Variants in LRRC4C observed in about 807,000 individuals in gnomAD.
The protein encoded by LRRC4C is leucine rich repeat containing 4C.
In LRRC4C, 5 loss-of-function variants were observed where a neutral mutation model predicts 33.6. The ratio of observed to expected loss-of-function variants is 0.15; its 90% CI spans 0.08 to 0.31. The LOEUF is 0.31. Ranked by LOEUF, LRRC4C falls within the 10% of genes least tolerant of loss-of-function variation. The pLI, the probability that LRRC4C is intolerant of heterozygous loss-of-function variation, is 1.00. For synonymous variants in LRRC4C, 329 were observed against 302.0 expected, an observed-to-expected ratio of 1.09 and a Z score of -0.93; for missense variants, 560 against 796.7, an observed-to-expected ratio of 0.70 and a Z score of 3.58.
chr11:41,086,715 G>C (rs752605096), intron 1 of LRRC4C, among the ~76,000 whole-genome samples: 1 of 152,080 alleles, frequency 6.6e-6, no homozygotes, highest in Admixed American at 6.6e-5. Flanking sequence ...GCAGTTCAAA[G>C]CAGCTAAAAA....
intron 2 of LRRC4C, among the ~76,000 whole-genome samples, chr11:40,862,641 T>C (rs1205117400): frequency 6.6e-6 from 1 of 152,216 alleles, no homozygotes; most frequent in African/African-American, 2.4e-5. Flanking sequence ...TGTTTTCTTC[T>C]GAGAGATAGT....
At chr11:41,448,100 A>T (rs1431964767) in intron 1 of LRRC4C, among the ~76,000 whole-genome samples, 1 of 86,794 alleles carries the variant, frequency 1.2e-5, no homozygotes, top group African/African-American at 3.8e-5. Context: ...CAGACACACA[A>T]ACGAGGCTGC....
At chr11:40,501,293 C>A (rs895865428) in intron 3 of LRRC4C, among the ~76,000 whole-genome samples, 9 of 152,164 alleles carry the variant, frequency 5.9e-5, no homozygotes, top group African/African-American at 2.2e-4. Flanking sequence ...AGCTACCATT[C>A]TGGGGCCTGG....
chr11:40,827,318 G>A (rs1281507555), intron 2 of LRRC4C, among the ~76,000 whole-genome samples: 1 of 151,756 alleles, frequency 6.6e-6, no homozygotes, highest in South Asian at 2.1e-4. Context: ...AAAGACTGTC[G>A]CTGCCAAAGG....
chr11:40,116,023 G>T lies in LRRC4C; in HGVS notation c.270C>A (p.Ile90=). 1 of 1,614,122 alleles carries T rather than the reference G, an allele frequency of 6.2e-7. No homozygotes were observed. The highest frequency in any genetic ancestry group is 8.5e-7 in the Non-Finnish European group (1 of 1,180,026). Residue 90 remains isoleucine, a synonymous_variant, in exon 7 of 7, where the codon ATC becomes ATA. Transcript: ENST00000528697. ...LLNLHENQIQ[I]IKVNSFKHLR... is the part of the protein sequence containing the mutation. ...AGTGCTTGAAGCTGTTCACTTTGAT[G>T]ATCTGGATTTGGTTCTCATGGAGGT...
chr11:40,132,982 C>A (rs1856746673), intron 6 of LRRC4C, among the ~76,000 whole-genome samples: 1 of 152,016 alleles, frequency 6.6e-6, no homozygotes, highest in South Asian at 2.1e-4. Flanking sequence ...AATGACAAAG[C>A]AAGTAACTAA....
chr11:40,473,112 G>A (rs1180939465), intron 3 of LRRC4C, among the ~76,000 whole-genome samples: 42 of 152,112 alleles, frequency 2.8e-4, no homozygotes, highest in Non-Finnish European at 1.2e-4. Flanking sequence ...TATGAAACCA[G>A]CATCATCCTG....
chr11:40,141,633 G>A (rs1036598723), intron 5 of LRRC4C, among the ~76,000 whole-genome samples: 8 of 152,104 alleles, frequency 5.3e-5, no homozygotes, highest in African/African-American at 1.9e-4. Context: ...CAAGATCAAG[G>A]GACTGACATG....
intron 5 of LRRC4C, among the ~76,000 whole-genome samples, chr11:40,173,894 TAA>T (rs1330953649): frequency 6.6e-6 from 1 of 152,172 alleles, no homozygotes; most frequent in Non-Finnish European, 1.5e-5. Flanking sequence ...GTGTTACCTC[TAA>T]GTTGGGAAGC....
intron 2 of LRRC4C, among the ~76,000 whole-genome samples, chr11:40,897,764 C>T (rs1248367747): frequency 6.6e-6 from 1 of 152,254 alleles, no homozygotes; most frequent in African/African-American, 2.4e-5. Context: ...AACTGACTGA[C>T]CTACATTTTA....
intron 3 of LRRC4C, among the ~76,000 whole-genome samples, chr11:40,444,325 T>TA (rs397966123): frequency 2.3e-4 from 34 of 150,916 alleles, no homozygotes; most frequent in Non-Finnish European, 4.0e-4. Flanking sequence ...ACATTTTTTT[T>TA]AATTTATTTT....
chr11:41,004,404 C>A (rs1565291512), intron 1 of LRRC4C, among the ~76,000 whole-genome samples: 1 of 151,978 alleles, frequency 6.6e-6, no homozygotes. Flanking sequence ...CATCTTTTTC[C>A]CTCTGCCCTG....
intron 3 of LRRC4C, among the ~76,000 whole-genome samples, chr11:40,509,693 G>C (rs1002760394): frequency 1.3e-5 from 2 of 152,024 alleles, no homozygotes; most frequent in East Asian, 1.9e-4. Context: ...TTATAAAAAA[G>C]GGAGATATTT....
chr11:40,912,400 T>C (rs1375132238), intron 2 of LRRC4C, among the ~76,000 whole-genome samples: 2 of 152,198 alleles, frequency 1.3e-5, no homozygotes, highest in African/African-American at 2.4e-5. Context: ...TTCAACATTC[T>C]TAAAGAAAAG....
intron 2 of LRRC4C, among the ~76,000 whole-genome samples, chr11:40,658,519 T>C (rs773984001): frequency 6.6e-6 from 1 of 152,170 alleles, no homozygotes; most frequent in Non-Finnish European, 1.5e-5. Flanking sequence ...ACCTCAAATC[T>C]GCCTTTTCAA....
intron 3 of LRRC4C, among the ~76,000 whole-genome samples, chr11:40,633,377 C>CTTTTTTTTTTTTTTTTTTTTTTTTTT (rs1163635612): frequency 2.9e-5 from 1 of 34,800 alleles, no homozygotes; most frequent in African/African-American, 1.2e-4. Flanking sequence ...TTCTTTCTCT[C>CTTTTTTTTTTTTTTTTTTTTTTTTTT]TCTTTCTTTC....
At chr11:40,158,463 T>C (rs1858891752) in intron 5 of LRRC4C, among the ~76,000 whole-genome samples, 1 of 152,066 alleles carries the variant, frequency 6.6e-6, no homozygotes, top group Non-Finnish European at 1.5e-5. Context: ...AGTTTAATAA[T>C]TATGGTATGC....
At chr11:40,638,263 G>A (rs1941885596) in intron 3 of LRRC4C, among the ~76,000 whole-genome samples, 1 of 152,154 alleles carries the variant, frequency 6.6e-6, no homozygotes, top group South Asian at 2.1e-4. Context: ...TTATATTTGT[G>A]TTGTTCTCTG....
intron 2 of LRRC4C, among the ~76,000 whole-genome samples, chr11:40,915,100 C>G (rs899591362): frequency 6.6e-6 from 1 of 152,006 alleles, no homozygotes; most frequent in Non-Finnish European, 1.5e-5. Context: ...GAATCAATAT[C>G]GTGAAAATGG....
Sources: gnomAD v4.1 joint callset for allele counts (sites outside exome capture counted in the v4.1 genomes callset) on GRCh38, gnomAD v4.1.1 for gene constraint, MANE v1.5 for transcripts, NCBI Gene and HGNC (gene_info 2026-07-23, HGNC 2026-07-21) for gene names.